Variants in SFXN1 observed in about 807,000 individuals in gnomAD.
The protein encoded by SFXN1 is sideroflexin 1.
Under a neutral mutation model 39.5 loss-of-function variants are expected in SFXN1, and 32 were observed. That is an observed-to-expected ratio of 0.81 (90% confidence interval 0.61 to 1.09). The LOEUF (loss-of-function observed/expected upper bound fraction) is 1.09, where lower values mean the gene tolerates loss of function less well. SFXN1 is among the 50% of genes least tolerant of loss of function. SFXN1 has a pLI of 0.00. For synonymous variants in SFXN1, 136 were observed against 146.5 expected (o/e 0.93, Z 0.52); for missense variants, 402 against 407.1 (o/e 0.99, Z 0.11).
chr5:175,494,675 C>T (rs1239009231), intron 2 of SFXN1, among the ~76,000 whole-genome samples: 2 of 151,736 alleles, frequency 1.3e-5, no homozygotes, highest in African/African-American at 4.8e-5. Context: ...CCGCTTGAAC[C>T]TGGGAGGCAG....
rs546999163 is a variant in SFXN1, at chr5:175,488,371, C to T, written c.-9-3724C>T. On this transcript the variant is annotated intron_variant, in intron 1 of 10. Coordinates refer to ENST00000321442, the MANE Select transcript of SFXN1 (RefSeq NM_022754.7). The stretch of plus-strand genomic sequence containing the variant: ...AGGCTGGAGTGCAATGGCACGATCT[C>T]GGCTCACCGCCATCTCCGCCTCCCA... Among the ~76,000 whole-genome samples, 7 of 151,238 alleles carry T rather than the reference C, an allele frequency of 4.6e-5. No homozygotes were observed. In the East Asian group the frequency reaches 5.8e-4, roughly 13 times the overall value.
intron 8 of SFXN1, among the ~76,000 whole-genome samples, chr5:175,517,879 C>G (rs1191447195): frequency 1.3e-5 from 2 of 152,164 alleles, no homozygotes; most frequent in African/African-American, 4.8e-5. Flanking sequence ...CCCACTGCCC[C>G]AGGGCCAGGT....
rs1218378281 is a variant in SFXN1, at chr5:175,527,993, C to T, written c.*1259C>T. The T allele has an allele frequency of 1.4e-5, 2 of 147,724 alleles. No individual in the cohort carries two copies. Among genetic ancestry groups the T allele is most frequent in the Non-Finnish European group, 1.5e-5 (1 of 67,646 alleles). The allele number at this position is 147,724 out of a possible 1,614,324, so 9.2% of individuals were successfully genotyped here. A position where few individuals can be genotyped will look rare whatever the true frequency, so the allele number is the denominator to read the frequency against. ...GGAGTGCAGTGGCGTAGTCTCGGCT[C>T]ACTGCAAGCTCCGCCTCCCGGGTTC... is the stretch of plus-strand genomic sequence containing the variant. On this transcript the variant is annotated 3_prime_UTR_variant, in exon 11 of 11. Coordinates refer to ENST00000321442, the MANE Select transcript of SFXN1 (RefSeq NM_022754.7).
At chr5:175,482,065 G>A (rs993643430) in intron 1 of SFXN1, among the ~76,000 whole-genome samples, 1 of 152,138 alleles carries the variant, frequency 6.6e-6, no homozygotes, top group South Asian at 2.1e-4. Context: ...TTCTCCGAGC[G>A]GCTCTATAAA....
intron 8 of SFXN1, among the ~76,000 whole-genome samples, chr5:175,517,769 G>A (rs556996931): frequency 1.8e-4 from 27 of 152,168 alleles, no homozygotes; most frequent in African/African-American, 6.3e-4. Context: ...TTGTGAAGGC[G>A]GGCTTCACCA....
chr5:175,505,555 TAA>T (rs1760260027), intron 2 of SFXN1, among the ~76,000 whole-genome samples: 1 of 148,588 alleles, frequency 6.7e-6, no homozygotes, highest in African/African-American at 2.5e-5. Context: ...ATAATAATAA[TAA>T]TAATAATAAT....
chr5:175,492,066 C>T (rs890515408), intron 1 of SFXN1, 29 bp from the exon 2 acceptor site: 1 of 1,578,106 alleles, frequency 6.3e-7, no homozygotes, highest in Non-Finnish European at 8.6e-7. Context: ...GTAAGCCTTA[C>T]ACGAACTTGC....
chr5:175,492,035 T>A, intron 1 of SFXN1, 60 bp from the exon 2 acceptor site: 1 of 1,334,288 alleles, frequency 7.5e-7, no homozygotes, highest in Non-Finnish European at 1.0e-6. Context: ...ACTGTAAAGT[T>A]TCTAAATACG....
In SFXN1 at chr5:175,502,064, A is replaced by C. The variant is rs568980616; in HGVS notation, c.165-6968A>C. On this transcript the variant is annotated intron_variant, in intron 2 of 10. Coordinates refer to ENST00000321442, the MANE Select transcript of SFXN1 (RefSeq NM_022754.7). ...GATGGACTCATAGAGGGTTGAAGCA[A>C]GGTTTTTTAATGTCTTCTCTTCCTG... Among the ~76,000 whole-genome samples the C allele has an allele frequency of 7.2e-5, 11 of 152,258 alleles. No individual in the cohort carries two copies. The South Asian group carries it at 2.3e-3, about 32-fold the overall frequency.
At chr5:175,524,122 AAAAATATATATATATAT>A (rs1161884318) in intron 10 of SFXN1, 65 of 30,386 alleles carry the variant, frequency 2.1e-3, no homozygotes, top group South Asian at 0.012. Context: ...AAAAAAAAAA[AAAAATATATATATATAT>A]ATATATATAT....
intron 9 of SFXN1, among the ~76,000 whole-genome samples, 185 bp downstream of exon 9, chr5:175,522,153 G>A (rs1428739946): frequency 2.0e-5 from 3 of 152,016 alleles, no homozygotes; most frequent in Non-Finnish European, 4.4e-5. Context: ...CAACATGGGG[G>A]GCTATTCGTG....
At chr5:175,490,422 G>A (rs572882753) in intron 1 of SFXN1, among the ~76,000 whole-genome samples, 2 of 152,104 alleles carry the variant, frequency 1.3e-5, no homozygotes, top group Admixed American at 6.6e-5. Context: ...GACCTAACAT[G>A]CTCAGTTTTG....
intron 1 of SFXN1, among the ~76,000 whole-genome samples, chr5:175,484,598 A>G (rs267387): frequency 0.65 from 98,826 of 152,210 alleles, 32,579 homozygotes; most frequent in African/African-American, 0.73. Context: ...CAAGGCCTTA[A>G]GGATACCAGC....
intron 6 of SFXN1, 65 bp downstream of exon 6, chr5:175,512,261 G>C: frequency 7.1e-7 from 1 of 1,410,316 alleles, no homozygotes; most frequent in South Asian, 1.2e-5. Flanking sequence ...GTAATAATTA[G>C]CTTTGTTGAA....
intron 7 of SFXN1, among the ~76,000 whole-genome samples, chr5:175,515,708 A>G (rs1161233360): frequency 6.6e-6 from 1 of 152,182 alleles, no homozygotes; most frequent in Non-Finnish European, 1.5e-5. Flanking sequence ...CCTTTTTAGC[A>G]CCAGGGACCC....
chr5:175,505,537 C>CAATAATAATAATAATAAT (rs3049011), intron 2 of SFXN1, among the ~76,000 whole-genome samples: 3,568 of 143,808 alleles, frequency 0.025, 59 homozygotes, highest in Middle Eastern at 0.043. Flanking sequence ...AACTCCATCA[C>CAATAATAATAATAATAAT]AATAATAATA....
At chr5:175,511,342 A>G in intron 4 of SFXN1, 109 bp from the exon 5 acceptor site, 3 of 851,436 alleles carry the variant, frequency 3.5e-6, no homozygotes, top group Non-Finnish European at 5.8e-6. Context: ...TAGACTCTTC[A>G]TTCTGAATCA....
chr5:175,484,539 A>T (rs1312754837), intron 1 of SFXN1, among the ~76,000 whole-genome samples: 1 of 152,150 alleles, frequency 6.6e-6, no homozygotes, highest in Non-Finnish European at 1.5e-5. Context: ...GCCAGCCCTG[A>T]CCCCTGCGGG....
chr5:175,512,862 C>T (rs1332296440), intron 6 of SFXN1, among the ~76,000 whole-genome samples: 1 of 152,148 alleles, frequency 6.6e-6, no homozygotes, highest in Non-Finnish European at 1.5e-5. Context: ...CTCAAATTTG[C>T]ACATGAGCAT....
Sources: allele counts gnomAD v4.1 joint callset (sites outside exome capture counted in the v4.1 genomes callset), GRCh38; gene constraint gnomAD v4.1.1; transcripts MANE v1.5; gene names NCBI Gene and HGNC (gene_info 2026-07-23, HGNC 2026-07-21).